Variants in LRP1B observed in about 807,000 individuals in gnomAD.
The protein encoded by LRP1B is LDL receptor related protein 1B, also known as low-density lipoprotein receptor-related protein 1B.
A neutral mutation model predicts 556.6 loss-of-function variants in LRP1B; 217 were observed. That is an observed-to-expected ratio of 0.39 (90% CI 0.35 to 0.44). The LOEUF (loss-of-function observed/expected upper bound fraction) is 0.44. Ranked by LOEUF, LRP1B falls within the 20% of genes least tolerant of loss-of-function variation. The pLI is 1.00. For missense variants in LRP1B, 5,053 were observed against 5,620.8 expected (o/e 0.90, Z 3.23); for synonymous variants, 2,047 against 1,865.8 (o/e 1.10, Z -2.50).
intron 43 of LRP1B, among the ~76,000 whole-genome samples, chr2:140,565,448 T>C (rs183440583): frequency 6.6e-6 from 1 of 152,192 alleles, no homozygotes; most frequent in East Asian, 1.9e-4. Flanking sequence ...AAAATTGAAA[T>C]GGTGCCAATT....
intron 41 of LRP1B, among the ~76,000 whole-genome samples, chr2:140,671,641 C>T (rs909475095): frequency 1.3e-5 from 2 of 151,734 alleles, no homozygotes; most frequent in African/African-American, 4.8e-5. Flanking sequence ...TGTTTTCATC[C>T]TTAACATTTT....
intron 3 of LRP1B, among the ~76,000 whole-genome samples, chr2:141,370,117 A>G (rs1009823788): frequency 6.6e-6 from 1 of 152,092 alleles, no homozygotes. Context: ...GAGTGCAGGT[A>G]TCTTTTTGAT....
chr2:141,363,982 T>C (rs1012971445), intron 3 of LRP1B, among the ~76,000 whole-genome samples: 3 of 152,104 alleles, frequency 2.0e-5, no homozygotes, highest in African/African-American at 7.2e-5. Context: ...GTAAACAGAA[T>C]CAAATTTCTA....
intron 2 of LRP1B, among the ~76,000 whole-genome samples, chr2:141,636,072 T>C (rs1558769721): frequency 1.3e-5 from 2 of 152,070 alleles, no homozygotes; most frequent in Non-Finnish European, 2.9e-5. Context: ...TAAGTGCCTA[T>C]TTATTGAGAC....
chr2:141,767,023 T>A (rs1574337686), intron 2 of LRP1B, among the ~76,000 whole-genome samples: 1 of 152,156 alleles, frequency 6.6e-6, no homozygotes, highest in East Asian at 1.9e-4. Flanking sequence ...TTATTATTCT[T>A]AGTTGGACTT....
At chr2:141,250,938 G>A (rs369822399) in intron 4 of LRP1B, among the ~76,000 whole-genome samples, 3 of 152,292 alleles carry the variant, frequency 2.0e-5, no homozygotes, top group East Asian at 1.9e-4. Context: ...ATATAGGGAT[G>A]TCTAAAATTA....
intron 83 of LRP1B, among the ~76,000 whole-genome samples, chr2:140,314,038 G>C (rs1433467335): frequency 6.6e-6 from 1 of 151,906 alleles, no homozygotes; most frequent in African/African-American, 2.4e-5. Flanking sequence ...AATTCTTTCA[G>C]TTAGCACTAT....
intron 7 of LRP1B, among the ~76,000 whole-genome samples, chr2:141,146,989 G>C (rs1701801507): frequency 1.3e-5 from 2 of 152,160 alleles, no homozygotes; most frequent in Non-Finnish European, 2.9e-5. Context: ...ACACACCTGA[G>C]CATCCTCCTA....
rs1413327588 is a variant in LRP1B, at chr2:140,486,146, C to A, written c.9244-622G>T. The stretch of plus-strand genomic sequence containing the variant: ...ATAAATATAATATATATAAAATGAT[C>A]AACAATTTTTGATCTATATCGCTGG... On this transcript the variant is annotated intron_variant, in intron 58 of 90. Transcript: ENST00000389484. 3.3e-5 allele frequency among the ~76,000 whole-genome samples: 5 copies of A among 151,838 alleles called. No homozygotes were observed. The East Asian group carries it at 9.6e-4, about 29-fold the overall frequency.
chr2:141,080,027 T>C (rs909978577), intron 7 of LRP1B, among the ~76,000 whole-genome samples: 5 of 152,220 alleles, frequency 3.3e-5, no homozygotes, highest in Admixed American at 2.0e-4. Context: ...GGAAATAGTT[T>C]GACAAAAATC....
intron 1 of LRP1B, among the ~76,000 whole-genome samples, chr2:142,130,230 G>GC (rs1707803650): frequency 6.6e-6 from 1 of 152,262 alleles, no homozygotes; most frequent in Non-Finnish European, 1.5e-5. Context: ...TAACCTGGGA[G>GC]CTAAGTTGAG....
At chr2:141,586,941 CAAAAAAAAAAGAAA>C (rs1270467147) in intron 2 of LRP1B, among the ~76,000 whole-genome samples, 36 of 71,558 alleles carry the variant, frequency 5.0e-4, no homozygotes, top group African/African-American at 1.7e-3. Context: ...GACTCCATCT[CAAAAAAAAAAGAAA>C]AAAAAAAAAA....
intron 41 of LRP1B, among the ~76,000 whole-genome samples, chr2:140,610,096 C>A (rs149740545): frequency 2.6e-5 from 4 of 151,756 alleles, no homozygotes; most frequent in South Asian, 2.1e-4. Flanking sequence ...TTTTCTTCCC[C>A]GGGTCTGACG....
At chr2:141,954,482 G>A (rs1701194975) in intron 1 of LRP1B, among the ~76,000 whole-genome samples, 1 of 152,034 alleles carries the variant, frequency 6.6e-6, no homozygotes, top group Non-Finnish European at 1.5e-5. Flanking sequence ...CTAGTTTTGT[G>A]AACCTGCATA....
chr2:141,681,822 G>T (rs892469740), intron 2 of LRP1B, among the ~76,000 whole-genome samples: 1 of 152,062 alleles, frequency 6.6e-6, no homozygotes, highest in South Asian at 2.1e-4. Context: ...TATCTCCCAC[G>T]TCTTACTGTT....
At chr2:142,085,781 T>G (rs1156506634) in intron 1 of LRP1B, among the ~76,000 whole-genome samples, 5 of 152,194 alleles carry the variant, frequency 3.3e-5, no homozygotes, top group Admixed American at 2.0e-4. Flanking sequence ...TCCCCCAAGT[T>G]GTATCTGAGT....
At chr2:142,100,339 A>G (rs1706529534) in intron 1 of LRP1B, among the ~76,000 whole-genome samples, 1 of 151,952 alleles carries the variant, frequency 6.6e-6, no homozygotes, top group Non-Finnish European at 1.5e-5. Context: ...ATTAGCGTTG[A>G]CACCACTCTG....
chr2:140,854,475 C>A (rs547289938), intron 27 of LRP1B, among the ~76,000 whole-genome samples: 58 of 152,214 alleles, frequency 3.8e-4, no homozygotes, highest in African/African-American at 1.4e-3. Flanking sequence ...ATTTTCATCT[C>A]TTCTCACTTT....
chr2:140,325,146 A>G (rs781059270), intron 80 of LRP1B, among the ~76,000 whole-genome samples: 5 of 152,072 alleles, frequency 3.3e-5, no homozygotes, highest in Non-Finnish European at 7.4e-5. Flanking sequence ...ATTCAGCAGA[A>G]AGAACTGAGA....
Sources: gnomAD v4.1 joint callset for allele counts (sites outside exome capture counted in the v4.1 genomes callset) on GRCh38, gnomAD v4.1.1 for gene constraint, MANE v1.5 for transcripts, NCBI Gene and HGNC (gene_info 2026-07-23, HGNC 2026-07-21) for gene names.